SLC9A3: variants seen among roughly 807,000 people sequenced by gnomAD.
The protein encoded by SLC9A3 is solute carrier family 9 member A3, also known as sodium/hydrogen exchanger 3.
SLC9A3 carries 37 observed loss-of-function variants against 86.8 expected under a neutral mutation model. The observed-to-expected ratio is 0.43, with a 90% CI of 0.33 to 0.56. The LOEUF is 0.56. Among genes scored for constraint, SLC9A3 ranks in the 20% least tolerant of loss-of-function variants. SLC9A3 has a pLI of 0.06. For synonymous variants in SLC9A3, 581 were observed against 528.3 expected (o/e 1.10, Z -1.37); for missense variants, 1,011 against 1,171.9 (o/e 0.86, Z 2.00).
At chr5:475,186 G>GGA in intron 15 of SLC9A3, 54 bp from the exon 16 acceptor site, 1 of 1,516,890 alleles carries the variant, frequency 6.6e-7, no homozygotes, top group Non-Finnish European at 8.8e-7. Context: ...CGGCGGCAGG[G>GGA]GAGACCTCGC....
At position 497,408 on chromosome 5, in the gene SLC9A3, G is replaced by C. The variant is rs534158745; in HGVS notation, c.212-5337C>G. Among the ~76,000 whole-genome samples the C allele has an allele frequency of 6.6e-6, 1 of 152,296 alleles. No homozygotes were observed. Among genetic ancestry groups the C allele is most frequent in the Admixed American group, 6.5e-5 (1 of 15,298 alleles). The stretch of plus-strand genomic sequence containing the variant: ...CTTGACAGCTGGCGTCCACCCTCGA[G>C]CATTTGCGAATGTCAGGCTGACACC... On this transcript the variant is annotated intron_variant, in intron 1 of 16. Transcript: ENST00000264938. This position sits in a 1 kb window ranked among gnomAD's most constrained non-coding sequence, Gnocchi z 5.4.
rs751328308 is a variant in SLC9A3 at position 482,074 on chromosome 5, G to A, written c.1440C>T (p.His480=). 1.1e-4 allele frequency: 159 copies of A among 1,513,740 alleles called. No homozygotes were observed. The Admixed American group carries it at 2.1e-3, about 20-fold the overall frequency. 93.8% of individuals were successfully genotyped at this position (1,513,740 alleles called of 1,614,324 possible). ...HREPRLNEKL[H]GRAFDHILSA... ...CCCCCAGCCCCGCACTTACGCGCCC[G>A]TGCAGCTTCTCGTTGAGCCGAGGTT... The change falls in exon 8 of 17, where the codon CAC becomes CAT. Residue 480 remains histidine (H), a synonymous_variant. Coordinates refer to ENST00000264938, the MANE Select transcript of SLC9A3 (RefSeq NM_004174.4).
Position 491,684 on chromosome 5 carries a change from A to T in SLC9A3, c.514+85T>A, listed in dbSNP as rs1739748666. On this transcript the variant is annotated intron_variant, in intron 2 of 16. Transcript: ENST00000264938. The surrounding 1 kb of genome is among the most constrained non-coding windows in gnomAD (Gnocchi z 9.2). ...TACCGCCTGGAGGCCAGGGTGCGGC[A>T]CCCCGACCTTTCTGAGATGAGGCAG... 5 of 1,288,170 alleles carry T rather than the reference A, an allele frequency of 3.9e-6. No homozygotes were observed. The South Asian group carries it at 7.6e-5, about 20-fold the overall frequency. The allele number at this position is 1,288,170 out of a possible 1,614,324, so 79.8% of individuals were successfully genotyped here. A position where few individuals can be genotyped will look rare whatever the true frequency, so the allele number is the denominator to read the frequency against.
At chr5:480,039 C>T (rs535304229) in intron 9 of SLC9A3, 74 bp from the exon 10 acceptor site, 3 of 1,530,326 alleles carry the variant, frequency 2.0e-6, no homozygotes, top group Non-Finnish European at 2.7e-6. Flanking sequence ...TGGCCCGGCC[C>T]CTTCTCTCCT....
intron 16 of SLC9A3, among the ~76,000 whole-genome samples, chr5:474,136 C>A (rs1033699939): frequency 6.8e-6 from 1 of 146,244 alleles, no homozygotes; most frequent in Non-Finnish European, 1.5e-5. Flanking sequence ...AGAGAGCGAG[C>A]GCGCGAGGCG....
chr5:503,822 G>A (rs1012901371), intron 1 of SLC9A3, among the ~76,000 whole-genome samples: 13 of 152,212 alleles, frequency 8.5e-5, no homozygotes, highest in African/African-American at 1.9e-4. Context: ...CAAGGAAGGC[G>A]TGTCTGCTGG....
In SLC9A3 at chr5:477,391, C is replaced by A; in HGVS notation, c.1701G>T (p.Val567=). 1 of 1,613,210 alleles carries A rather than the reference C, an allele frequency of 6.2e-7. No homozygotes were observed. Among genetic ancestry groups the A allele is most frequent in the Non-Finnish European group, 8.5e-7 (1 of 1,179,810 alleles). The change falls in exon 11 of 17, where the codon GTG becomes GTT. Residue 567 remains valine, a synonymous_variant. Coordinates refer to ENST00000264938, the MANE Select transcript of SLC9A3 (RefSeq NM_004174.4). The part of the protein sequence containing the change: ...AFIRSPSTDN[V]VNVDFTPRSS... ...ATCGTGGCGTGAAGTCCACGTTGACCACGTTGTCGGTGCTGGGGGAGCGGA... is the reference window on the plus strand; with the variant it reads ...ATCGTGGCGTGAAGTCCACGTTGACAACGTTGTCGGTGCTGGGGGAGCGGA...
rs1739071357 is a variant in SLC9A3 at position 480,161 on chromosome 5, C to CT, written c.1518-197_1518-196insA. The CT allele has an allele frequency of 1.1e-4, 62 of 569,304 alleles. 1 individual carries two copies. In the South Asian group the frequency reaches 1.3e-3, roughly 12 times the overall value. 35.3% of individuals were successfully genotyped at this position (569,304 alleles called of 1,614,324 possible). On this transcript the variant is annotated intron_variant, in intron 9 of 16. Coordinates refer to ENST00000264938, the MANE Select transcript of SLC9A3 (RefSeq NM_004174.4). ...CCCGCCTGTCCTGTTGGATGGAGGC[C>CT]GTTAGACGCATATGAAACTGCATGC...
rs1026120546 is a variant in SLC9A3 at position 491,460 on chromosome 5, G to A, written c.514+309C>T. On this transcript the variant is annotated intron_variant, in intron 2 of 16. Transcript: ENST00000264938. The surrounding 1 kb of genome is among the most constrained non-coding windows in gnomAD (Gnocchi z 9.2). ...CTCTCCCTGGGACCTGGTGGCCGGC[G>A]AGTGTGGACGGACCCCTACCTCTGC... 3.3e-5 allele frequency among the ~76,000 whole-genome samples: 5 copies of A among 151,982 alleles called. No individual in the cohort carries two copies. Among genetic ancestry groups the A allele is most frequent in the South Asian group, 2.1e-4 (1 of 4,824 alleles).
At chr5:490,262 C>T (rs111285115) in intron 2 of SLC9A3, among the ~76,000 whole-genome samples, 1,093 of 74,562 alleles carry the variant, frequency 0.015, 6 homozygotes, top group Middle Eastern at 0.047. Context: ...ACCTGGGACA[C>T]GTGTTTCTCA....
chr5:481,990 C>G (rs550893428), intron 8 of SLC9A3, 78 bp downstream of exon 8: 137 of 365,384 alleles, frequency 3.7e-4, no homozygotes, highest in South Asian at 5.1e-4. Context: ...CCCAGACCAA[C>G]GCAGCCTCCT....
In SLC9A3 at chr5:475,088, T is replaced by A. The variant is rs753044496; in HGVS notation, c.2296A>T (p.Ser766Cys). 6 of 1,610,748 alleles carry A rather than the reference T, an allele frequency of 3.7e-6. No homozygotes were observed. The highest frequency in any genetic ancestry group is 4.2e-6 in the Non-Finnish European group (5 of 1,178,888). Residue 766 changes from serine (S) to cysteine (C), a missense_variant, in exon 16 of 17, where the codon AGC (serine) becomes TGC (cysteine). Ser to Cys is a moderately radical substitution (Grantham distance 112). Around this residue, in one of 3 missense-constraint regions of SLC9A3, gnomAD observed 397 missense variants for 346.3 expected, o/e 1.15. Transcript: ENST00000264938. ...VFSPDEALDR[S>C]LLARLPPWLS... Reference sequence around the variant, plus strand: ...CAGGGCGGCAGCCTGGCCAGGAGGCTGCGGTCCAGGGCCTCGTCCGGAGAA... The same window carrying A: ...CAGGGCGGCAGCCTGGCCAGGAGGCAGCGGTCCAGGGCCTCGTCCGGAGAA...
At chr5:504,705 C>G (rs1039382105) in intron 1 of SLC9A3, among the ~76,000 whole-genome samples, 1 of 152,094 alleles carries the variant, frequency 6.6e-6, no homozygotes, top group South Asian at 2.1e-4. Flanking sequence ...CACCCCTCAG[C>G]GCTGTGAGGC....
Position 497,796 on chromosome 5 carries a change from C to CTCCGA in SLC9A3, c.212-5726_212-5725insTCGGA, listed in dbSNP as rs1560965066. ...CCCGGCCGCATCCCCAGCCTCTGCCCCTGTCCCGGGTGGGGTCGCCCGGCC... is the reference window on the plus strand; with the variant it reads ...CCCGGCCGCATCCCCAGCCTCTGCCCTCCGACTGTCCCGGGTGGGGTCGCCCGGCC... On this transcript the variant is annotated intron_variant, in intron 1 of 16. Coordinates refer to ENST00000264938, the MANE Select transcript of SLC9A3 (RefSeq NM_004174.4). This position sits in a 1 kb window ranked among gnomAD's most constrained non-coding sequence, Gnocchi z 5.4. Among the ~76,000 whole-genome samples the CTCCGA allele has an allele frequency of 1.3e-4, 7 of 52,468 alleles. No individual in the cohort carries two copies. Among genetic ancestry groups the CTCCGA allele is most frequent in the Non-Finnish European group, 2.5e-4 (6 of 24,018 alleles). The allele number at this position is 52,468 out of a possible 152,430, so 34.4% of individuals were successfully genotyped here.
chr5:490,781 G>A (rs1022675408), intron 2 of SLC9A3, among the ~76,000 whole-genome samples: 9 of 152,224 alleles, frequency 5.9e-5, no homozygotes, highest in Non-Finnish European at 1.2e-4. Flanking sequence ...CTATGGCATC[G>A]CCCACGTGAC....
At position 492,077 on chromosome 5, in the gene SLC9A3, G is replaced by C; in HGVS notation, c.212-6C>G. 6.8e-7 allele frequency: 1 copy of C among 1,471,632 alleles called. No homozygotes were observed. Among genetic ancestry groups the C allele is most frequent in the Non-Finnish European group, 9.1e-7 (1 of 1,101,578 alleles). 91.2% of individuals were successfully genotyped at this position (1,471,632 alleles called of 1,614,324 possible). On this transcript the variant is annotated splice_polypyrimidine_tract_variant and splice_region_variant and intron_variant, in intron 1 of 16. Transcript: ENST00000264938. ...CTTGTGGGACAGGTGGAACCCTGTG[G>C]GGGAAGGGAGGGAGGTCAGGGCCGG...
chr5:481,991 G>A (rs1185986884), intron 8 of SLC9A3, 77 bp downstream of exon 8: 422 of 239,354 alleles, frequency 1.8e-3, no homozygotes, highest in Non-Finnish European at 2.9e-3. Context: ...CCAGACCAAC[G>A]CAGCCTCCTC....
Position 497,623 on chromosome 5 carries a change from C to T in SLC9A3, c.212-5552G>A, listed in dbSNP as rs1484870696. Among the ~76,000 whole-genome samples, 1 of 152,232 alleles carries T rather than the reference C, an allele frequency of 6.6e-6. No individual in the cohort carries two copies. The highest frequency in any genetic ancestry group is 1.5e-5 in the Non-Finnish European group (1 of 68,042). The stretch of plus-strand genomic sequence containing the variant: ...CTATTCTTTGGTTATTCCTCCACTT[C>T]AAAGAAGCTTCCTGAAGCTTCCAGA... On this transcript the variant is annotated intron_variant, in intron 1 of 16. Coordinates refer to ENST00000264938, the MANE Select transcript of SLC9A3 (RefSeq NM_004174.4). This position sits in a 1 kb window ranked among gnomAD's most constrained non-coding sequence, Gnocchi z 5.4.
chr5:523,367 T>C (rs568729102), intron 1 of SLC9A3, among the ~76,000 whole-genome samples: 1 of 151,986 alleles, frequency 6.6e-6, no homozygotes, highest in African/African-American at 2.4e-5. Context: ...GCTGCTCTGA[T>C]CTTGCTTCTC....
Sources: gnomAD v4.1 joint callset for allele counts (sites outside exome capture counted in the v4.1 genomes callset) on GRCh38, gnomAD v4.1.1 for gene constraint, gnomAD v4.1.1 regional missense constraint, Gnocchi (gnomAD v3.1) non-coding constraint, MANE v1.5 for transcripts, NCBI Gene and HGNC (gene_info 2026-07-23, HGNC 2026-07-21) for gene names.